ZC3HAV1: variants seen among roughly 807,000 people sequenced by gnomAD.
ZC3HAV1 encodes the protein zinc finger CCCH-type antiviral protein 1.
In ZC3HAV1, 41 loss-of-function variants were observed where a neutral mutation model predicts 86.6. That is an observed-to-expected ratio of 0.47 (90% confidence interval 0.37 to 0.61). The LOEUF is 0.61. Ranked by LOEUF, ZC3HAV1 falls within the 20% of genes least tolerant of loss-of-function variation. ZC3HAV1 has a pLI of 0.00. For missense variants in ZC3HAV1, 964 were observed against 1,141.1 expected (o/e 0.84, Z 2.24); for synonymous variants, 421 against 432.1 (o/e 0.97, Z 0.32).
intron 1 of ZC3HAV1, among the ~76,000 whole-genome samples, chr7:139,094,120 A>G (rs908757077): frequency 6.6e-6 from 1 of 152,192 alleles, no homozygotes; most frequent in Non-Finnish European, 1.5e-5. Context: ...CAGACATCCC[A>G]GGGTGATTCT....
chr7:139,062,555 C>T lies in ZC3HAV1; in HGVS notation c.1994-1417G>A, dbSNP rs186790691. Among the ~76,000 whole-genome samples, 4 of 152,348 alleles carry T rather than the reference C, an allele frequency of 2.6e-5. No homozygotes were observed. The East Asian group carries it at 7.7e-4, about 29-fold the overall frequency. ...CGTTTCATTTTCTCAGTAACTGTTA[C>T]CACTTTCTGAAATGGCCTGACTTGT... is the stretch of plus-strand genomic sequence containing the variant. On this transcript the variant is annotated intron_variant, in intron 8 of 12. Coordinates refer to ENST00000242351, the MANE Select transcript of ZC3HAV1 (RefSeq NM_020119.4).
In ZC3HAV1 at chr7:139,055,264, A is replaced by G. The variant is rs1333167022; in HGVS notation, c.2128T>C (p.Leu710=). 1.2e-6 allele frequency: 2 copies of G among 1,613,500 alleles called. No homozygotes were observed. Among genetic ancestry groups the G allele is most frequent in the Non-Finnish European group, 1.7e-6 (2 of 1,179,620 alleles). Residue 710 remains leucine (L), a synonymous_variant, in exon 10 of 13, where the codon TTA becomes CTA. Transcript: ENST00000242351. ...HQPAKTSSVS[L]TATFRPQEDF... The stretch of plus-strand genomic sequence containing the variant: ...TCCTGAGGACGAAAGGTCGCAGTTA[A>G]AGACACTGACGAGGTCTTTGCTGGC...
At chr7:139,056,417 T>TTTC (rs1307368491) in intron 9 of ZC3HAV1, among the ~76,000 whole-genome samples, 5,550 of 68,828 alleles carry the variant, frequency 0.081, 250 homozygotes, top group African/African-American at 0.16. Flanking sequence ...TTTCTTTTCT[T>TTTC]TTTTTTTTTT....
intron 9 of ZC3HAV1, among the ~76,000 whole-genome samples, chr7:139,057,221 G>T (rs1274773567): frequency 6.6e-6 from 1 of 151,990 alleles, no homozygotes; most frequent in Non-Finnish European, 1.5e-5. Flanking sequence ...ATCCAGGTGT[G>T]GTGGTGCACG....
intron 1 of ZC3HAV1, among the ~76,000 whole-genome samples, chr7:139,093,110 G>A (rs1817479569): frequency 6.6e-6 from 1 of 152,074 alleles, no homozygotes; most frequent in Non-Finnish European, 1.5e-5. Flanking sequence ...ATTTAATTTA[G>A]TAGTCACGAT....
chr7:139,048,743 T>A (rs1481901719), intron 12 of ZC3HAV1, among the ~76,000 whole-genome samples: 1 of 152,232 alleles, frequency 6.6e-6, no homozygotes, highest in Non-Finnish European at 1.5e-5. Context: ...TTTAATATAC[T>A]TCCCATCTAC....
At chr7:139,069,727 T>A (rs78630958) in intron 7 of ZC3HAV1, among the ~76,000 whole-genome samples, 2,349 of 152,306 alleles carry the variant, frequency 0.015, 58 homozygotes, top group African/African-American at 0.053. Flanking sequence ...TTTACCTCCC[T>A]GAGAGCTCAT....
At chr7:139,091,292 G>A (rs1236148540) in intron 1 of ZC3HAV1, among the ~76,000 whole-genome samples, 2 of 152,166 alleles carry the variant, frequency 1.3e-5, no homozygotes, top group Non-Finnish European at 2.9e-5. Context: ...GAGGTCAGGA[G>A]ATCGAGACGT....
intron 12 of ZC3HAV1, chr7:139,049,983 T>C (rs187148214): frequency 2.4e-4 from 39 of 163,712 alleles, no homozygotes; most frequent in Non-Finnish European, 1.4e-5. Context: ...TGGAGTTTTC[T>C]GGGTCAAGTG....
intron 2 of ZC3HAV1, among the ~76,000 whole-genome samples, chr7:139,084,828 T>C (rs1450919213): frequency 4.6e-5 from 7 of 152,200 alleles, no homozygotes; most frequent in African/African-American, 1.2e-4. Flanking sequence ...GAAACCAATA[T>C]AATTAGTAAG....
At chr7:139,074,246 A>G (rs12672266) in intron 6 of ZC3HAV1, among the ~76,000 whole-genome samples, 48,044 of 152,078 alleles carry the variant, frequency 0.32, 9,791 homozygotes, top group African/African-American at 0.55. Context: ...GTGTTACATA[A>G]TGTATTCTTC....
rs1175881762 is a variant in ZC3HAV1, at chr7:139,108,555, G to A, written c.308+469C>T. Among the ~76,000 whole-genome samples the A allele has an allele frequency of 6.6e-6, 1 of 152,216 alleles. No individual in the cohort carries two copies. The highest frequency in any genetic ancestry group is 1.5e-5 in the Non-Finnish European group (1 of 68,038). Reference sequence around the variant, plus strand: ...GAGACCTGCGGCTCGCTCCGGCGGAGACGGACCGGGGGCCCAGGGCGGCTG... The same window carrying A: ...GAGACCTGCGGCTCGCTCCGGCGGAAACGGACCGGGGGCCCAGGGCGGCTG... On this transcript the variant is annotated intron_variant, in intron 1 of 12. Coordinates refer to ENST00000242351, the MANE Select transcript of ZC3HAV1 (RefSeq NM_020119.4). The surrounding 1 kb of genome is among the most constrained non-coding windows in gnomAD (Gnocchi z 4.2).
Position 139,108,379 on chromosome 7 carries a change from G to T in ZC3HAV1, c.308+645C>A, listed in dbSNP as rs1466668377. On this transcript the variant is annotated intron_variant, in intron 1 of 12. Coordinates refer to ENST00000242351, the MANE Select transcript of ZC3HAV1 (RefSeq NM_020119.4). This position sits in a 1 kb window ranked among gnomAD's most constrained non-coding sequence, Gnocchi z 4.2. ...TGTCCCAAGGCAGGCGGTCAACTGC[G>T]CGCGCCACCGTAGAGAGACCACCCG... Among the ~76,000 whole-genome samples the T allele has an allele frequency of 6.6e-6, 1 of 152,076 alleles. No individual in the cohort carries two copies. Among genetic ancestry groups the T allele is most frequent in the African/African-American group, 2.4e-5 (1 of 41,412 alleles).
At chr7:139,079,063 G>A (rs1817042243) in intron 4 of ZC3HAV1, 2 of 1,532,968 alleles carry the variant, frequency 1.3e-6, no homozygotes, top group Non-Finnish European at 1.7e-6. Context: ...CTCTGCTGCA[G>A]ACTCAAGACA....
rs536281003 is a variant in ZC3HAV1 at position 139,094,345 on chromosome 7, G to A, written c.309-4586C>T. Among the ~76,000 whole-genome samples the A allele has an allele frequency of 8.5e-5, 13 of 152,270 alleles. No homozygotes were observed. In the South Asian group the frequency reaches 2.7e-3, roughly 32 times the overall value. On this transcript the variant is annotated intron_variant, in intron 1 of 12. Coordinates refer to ENST00000242351, the MANE Select transcript of ZC3HAV1 (RefSeq NM_020119.4). ...TCCTACAGAAGGTTGGTTAGAAGCT[G>A]TGGGAACTCCCCTCTCGCCAGTACA...
rs1251965113 is a variant in ZC3HAV1, at chr7:139,046,085, A to C, written c.*1509T>G. The C allele has an allele frequency of 6.6e-6, 1 of 152,008 alleles. No homozygotes were observed. The highest frequency in any genetic ancestry group is 1.5e-5 in the Non-Finnish European group (1 of 68,000). 9.4% of individuals were successfully genotyped at this position (152,008 alleles called of 1,614,324 possible). On this transcript the variant is annotated 3_prime_UTR_variant, in exon 13 of 13. Transcript: ENST00000242351. ...CAGGAAACTTTGGTGACTGGTAAGG[A>C]ATGTTGAAAAGGGAAAATCAGAAGG...
At chr7:139,062,087 G>C (rs1167077229) in intron 8 of ZC3HAV1, among the ~76,000 whole-genome samples, 1 of 152,210 alleles carries the variant, frequency 6.6e-6, no homozygotes, top group Admixed American at 6.5e-5. Context: ...ATGTGGTGTT[G>C]CTGGGGAAAC....
chr7:139,067,792 C>G (rs924628815), intron 7 of ZC3HAV1, among the ~76,000 whole-genome samples: 4 of 151,988 alleles, frequency 2.6e-5, no homozygotes, highest in Non-Finnish European at 5.9e-5. Context: ...GGAGCCTTCA[C>G]GAGAAAGTGA....
chr7:139,047,353 A>C lies in ZC3HAV1; in HGVS notation c.*241T>G. On this transcript the variant is annotated 3_prime_UTR_variant, in exon 13 of 13. Transcript: ENST00000242351. ...CAAAAAAAAAAAAAAAAAAAAAAATACAACTGCCTGGCGCTGACGCCCAGA... is the reference window on the plus strand; with the variant it reads ...CAAAAAAAAAAAAAAAAAAAAAAATCCAACTGCCTGGCGCTGACGCCCAGA... The C allele has an allele frequency of 2.5e-6, 1 of 401,150 alleles. No homozygotes were observed. The highest frequency in any genetic ancestry group is 4.3e-6 in the Non-Finnish European group (1 of 230,184). The allele number at this position is 401,150 out of a possible 1,614,324, so 24.8% of individuals were successfully genotyped here. A position where few individuals can be genotyped will look rare whatever the true frequency, so the allele number is the denominator to read the frequency against.
Sources: gnomAD v4.1 joint callset for allele counts (sites outside exome capture counted in the v4.1 genomes callset) on GRCh38, gnomAD v4.1.1 for gene constraint, Gnocchi (gnomAD v3.1) non-coding constraint, MANE v1.5 for transcripts, NCBI Gene and HGNC (gene_info 2026-07-23, HGNC 2026-07-21) for gene names.